Variants in RFTN1 observed in about 807,000 individuals in gnomAD.
RFTN1 encodes raftlin, lipid raft linker 1, also known as raftlin.
RFTN1 carries 26 observed loss-of-function variants against 46.5 expected under a neutral mutation model. The observed-to-expected ratio is 0.56, with a 90% CI of 0.41 to 0.78. The LOEUF is 0.78. Among genes scored for constraint, RFTN1 ranks in the 30% least tolerant of loss-of-function variants. The pLI is 0.00. For missense variants in RFTN1, 693 were observed against 718.7 expected (o/e 0.96, Z 0.41); for synonymous variants, 261 against 284.2 (o/e 0.92, Z 0.82).
chr3:16,346,671 G>A lies in RFTN1; in HGVS notation c.1146+11261C>T, dbSNP rs2071741953. Among the ~76,000 whole-genome samples, 1 of 152,172 alleles carries A rather than the reference G, an allele frequency of 6.6e-6. No individual in the cohort carries two copies. The highest frequency in any genetic ancestry group is 1.5e-5 in the Non-Finnish European group (1 of 68,036). On this transcript the variant is annotated intron_variant, in intron 7 of 9. Coordinates refer to ENST00000334133, the MANE Select transcript of RFTN1 (RefSeq NM_015150.2). This position sits in a 1 kb window ranked among gnomAD's most constrained non-coding sequence, Gnocchi z 4.4. ...GACTCAGTCCTGGCCAATGAGACCTGAGGAAATCTCTGTTGTGGGTTTCTG... is the reference window on the plus strand; with the variant it reads ...GACTCAGTCCTGGCCAATGAGACCTAAGGAAATCTCTGTTGTGGGTTTCTG...
At chr3:16,396,755 A>G (rs932508840) in intron 4 of RFTN1, among the ~76,000 whole-genome samples, 7 of 152,226 alleles carry the variant, frequency 4.6e-5, no homozygotes, top group African/African-American at 1.4e-4. Context: ...GTAAACAGCC[A>G]GGATTAGTAC....
In RFTN1 at chr3:16,320,394, A is replaced by AT. The variant is rs1317434509; in HGVS notation, c.1332+2981dup. ...TTGCAGTTTCTTTTCTTAAGTTTTA[A>AT]TGCTAGACATACTATGTGTGTCCTC... On this transcript the variant is annotated intron_variant, in intron 9 of 9. Coordinates refer to ENST00000334133, the MANE Select transcript of RFTN1 (RefSeq NM_015150.2). This position sits in a 1 kb window ranked among gnomAD's most constrained non-coding sequence, Gnocchi z 4.5. 6.6e-6 allele frequency among the ~76,000 whole-genome samples: 1 copy of AT among 152,202 alleles called. No individual in the cohort carries two copies. The highest frequency in any genetic ancestry group is 1.5e-5 in the Non-Finnish European group (1 of 68,044).
At chr3:16,379,559 A>C (rs2073911194) in intron 4 of RFTN1, among the ~76,000 whole-genome samples, 2 of 152,362 alleles carry the variant, frequency 1.3e-5, no homozygotes, top group South Asian at 4.1e-4. Flanking sequence ...GTGCAAAACC[A>C]GGTCTGGCCT....
chr3:16,510,357 G>A (rs2076876906), intron 1 of RFTN1, among the ~76,000 whole-genome samples: 1 of 152,272 alleles, frequency 6.6e-6, no homozygotes, highest in South Asian at 2.1e-4. Flanking sequence ...GGGGCTTGGG[G>A]TTATTTTTCT....
At position 16,382,111 on chromosome 3, in the gene RFTN1, G is replaced by C. The variant is rs2074012192; in HGVS notation, c.442-4009C>G. ...GGGAAATTCACACCCCCAAGAAGAG[G>C]AAGCATATTTGTAGCTCTGCTTATT... On this transcript the variant is annotated intron_variant, in intron 4 of 9. Transcript: ENST00000334133. This position sits in a 1 kb window ranked among gnomAD's most constrained non-coding sequence, Gnocchi z 4.7. Among the ~76,000 whole-genome samples the C allele has an allele frequency of 6.6e-6, 1 of 152,138 alleles. No homozygotes were observed. The highest frequency in any genetic ancestry group is 6.5e-5 in the Admixed American group (1 of 15,272).
chr3:16,495,801 C>T (rs1263789494), intron 1 of RFTN1, among the ~76,000 whole-genome samples: 3 of 152,202 alleles, frequency 2.0e-5, no homozygotes, highest in Non-Finnish European at 4.4e-5. Context: ...GGAATGCAGC[C>T]CTGTCCCAGC....
At chr3:16,340,112 C>T (rs1183412437) in intron 7 of RFTN1, among the ~76,000 whole-genome samples, 2 of 152,242 alleles carry the variant, frequency 1.3e-5, no homozygotes, top group Non-Finnish European at 1.5e-5. Context: ...TAGCTAGCCA[C>T]ACACAAACTT....
chr3:16,464,803 A>G (rs1575329728), intron 2 of RFTN1, among the ~76,000 whole-genome samples: 1 of 152,238 alleles, frequency 6.6e-6, no homozygotes. Flanking sequence ...CAGAGACCAC[A>G]TCACCCACAA....
chr3:16,497,255 GCA>G (rs1255893661), intron 1 of RFTN1, among the ~76,000 whole-genome samples: 1 of 152,164 alleles, frequency 6.6e-6, no homozygotes, highest in East Asian at 1.9e-4. Context: ...CCTTACAAAT[GCA>G]CAGATACATC....
At chr3:16,454,794 C>T (rs2075877338) in intron 2 of RFTN1, 3 of 985,320 alleles carry the variant, frequency 3.0e-6, no homozygotes, top group Non-Finnish European at 3.6e-6. Context: ...AGTTTTCTGG[C>T]GTGTCTCCCA....
chr3:16,441,685 CA>C (rs1472017112), intron 2 of RFTN1, among the ~76,000 whole-genome samples: 1 of 152,238 alleles, frequency 6.6e-6, no homozygotes, highest in African/African-American at 2.4e-5. Flanking sequence ...CCTAATTATT[CA>C]AAGTCTGACT....
In RFTN1 at chr3:16,407,938, C is replaced by T. The variant is rs984732177; in HGVS notation, c.441+1437G>A. Among the ~76,000 whole-genome samples the T allele has an allele frequency of 6.6e-6, 1 of 152,130 alleles. No individual in the cohort carries two copies. Among genetic ancestry groups the T allele is most frequent in the Non-Finnish European group, 1.5e-5 (1 of 68,024 alleles). ...TAGACCCATACATGAGCGGCTACTC[C>T]CAGAGTCCCTGGAGCCTGAACACTC... On this transcript the variant is annotated intron_variant, in intron 4 of 9. Coordinates refer to ENST00000334133, the MANE Select transcript of RFTN1 (RefSeq NM_015150.2). This position sits in a 1 kb window ranked among gnomAD's most constrained non-coding sequence, Gnocchi z 4.0.
chr3:16,392,898 C>T (rs1014725410), intron 4 of RFTN1, among the ~76,000 whole-genome samples: 1 of 152,114 alleles, frequency 6.6e-6, no homozygotes, highest in Non-Finnish European at 1.5e-5. Flanking sequence ...GTGTGAGTCT[C>T]CTAACCCTCT....
At chr3:16,404,502 C>A (rs1315878585) in intron 4 of RFTN1, among the ~76,000 whole-genome samples, 2 of 143,514 alleles carry the variant, frequency 1.4e-5, no homozygotes, top group Non-Finnish European at 3.0e-5. Flanking sequence ...TTACAGTAAA[C>A]CCGCCTGACT....
chr3:16,347,368 G>A (rs73039454), intron 7 of RFTN1, among the ~76,000 whole-genome samples: 1,540 of 152,358 alleles, frequency 0.01, 14 homozygotes, highest in Non-Finnish European at 0.016. Context: ...CACAGTTCTG[G>A]AAGCCAGAAG....
intron 2 of RFTN1, among the ~76,000 whole-genome samples, chr3:16,469,325 G>A (rs1217851109): frequency 1.3e-5 from 2 of 152,222 alleles, no homozygotes; most frequent in African/African-American, 2.4e-5. Context: ...ATGTGAGTCG[G>A]TTGTTGTTAT....
At chr3:16,456,325 T>G (rs948075352) in intron 2 of RFTN1, among the ~76,000 whole-genome samples, 2 of 152,176 alleles carry the variant, frequency 1.3e-5, no homozygotes, top group African/African-American at 4.8e-5. Context: ...AGACCCCATC[T>G]TCGGAGATCT....
In RFTN1 at chr3:16,504,655, G is replaced by A. The variant is rs1217784021; in HGVS notation, c.-9+8787C>T. Among the ~76,000 whole-genome samples, 1 of 152,066 alleles carries A rather than the reference G, an allele frequency of 6.6e-6. No individual in the cohort carries two copies. The highest frequency in any genetic ancestry group is 2.4e-5 in the African/African-American group (1 of 41,374). ...GTATGCTCAAAAAAGTTACTTACAT[G>A]CTATTGTCTCTCCCTTAGCACTCAC... On this transcript the variant is annotated intron_variant, in intron 1 of 9. Transcript: ENST00000334133. This position sits in a 1 kb window ranked among gnomAD's most constrained non-coding sequence, Gnocchi z 4.4.
In RFTN1 at chr3:16,410,157, T is replaced by C. The variant is rs1481234340; in HGVS notation, c.333-674A>G. ...GTAAGACCTCTAAGATGTAGCATCA[T>C]GTAAAACACATCATTATAGAATGAT... On this transcript the variant is annotated intron_variant, in intron 3 of 9. Coordinates refer to ENST00000334133, the MANE Select transcript of RFTN1 (RefSeq NM_015150.2). This position sits in a 1 kb window ranked among gnomAD's most constrained non-coding sequence, Gnocchi z 4.6. Among the ~76,000 whole-genome samples the C allele has an allele frequency of 6.6e-6, 1 of 151,854 alleles. No individual in the cohort carries two copies. Among genetic ancestry groups the C allele is most frequent in the Non-Finnish European group, 1.5e-5 (1 of 67,996 alleles).
Sources: gnomAD v4.1 joint callset for allele counts (sites outside exome capture counted in the v4.1 genomes callset) on GRCh38, gnomAD v4.1.1 for gene constraint, Gnocchi (gnomAD v3.1) non-coding constraint, MANE v1.5 for transcripts, NCBI Gene and HGNC (gene_info 2026-07-23, HGNC 2026-07-21) for gene names.